PHACTR2: variants seen among roughly 807,000 people sequenced by gnomAD.
PHACTR2 encodes the protein chromosome 6 open reading frame 56.
In PHACTR2, 30 loss-of-function variants were observed where a neutral mutation model predicts 76.0. The ratio of observed to expected loss-of-function variants is 0.39; its 90% confidence interval spans 0.30 to 0.54. The LOEUF (loss-of-function observed/expected upper bound fraction) is 0.54. PHACTR2 is among the 20% of genes least tolerant of loss of function. PHACTR2 has a pLI of 0.61. For synonymous variants in PHACTR2, 292 were observed against 292.5 expected, an observed-to-expected ratio of 1.00 and a Z score of 0.02; for missense variants, 696 against 781.1, an observed-to-expected ratio of 0.89 and a Z score of 1.30.
At chr6:143,542,070 C>T (rs1781176229) in intron 1 of PHACTR2, among the ~76,000 whole-genome samples, 1 of 152,142 alleles carries the variant, frequency 6.6e-6, no homozygotes, top group Non-Finnish European at 1.5e-5. Flanking sequence ...TACTTTCTGT[C>T]TCTCCCTGGT....
rs1163215328 is a variant in PHACTR2, at chr6:143,818,507, A to T, written c.1923-5167A>T. 6.6e-6 allele frequency among the ~76,000 whole-genome samples: 1 copy of T among 152,162 alleles called. No individual in the cohort carries two copies. The highest frequency in any genetic ancestry group is 1.5e-5 in the Non-Finnish European group (1 of 68,034). ...AAGCTCTGGTAAGTATTATATTAGG[A>T]TTGTTATTATTATCTGTGTATTAGT... is the stretch of plus-strand genomic sequence containing the variant. On this transcript the variant is annotated intron_variant, in intron 12 of 12. Coordinates refer to ENST00000440869, the MANE Select transcript of PHACTR2 (RefSeq NM_001100164.2). This position sits in a 1 kb window ranked among gnomAD's most constrained non-coding sequence, Gnocchi z 4.9.
intron 1 of PHACTR2, among the ~76,000 whole-genome samples, chr6:143,565,540 G>A (rs535130344): frequency 1.3e-5 from 2 of 151,688 alleles, no homozygotes; most frequent in East Asian, 3.9e-4. Flanking sequence ...GGGAGGCGGA[G>A]CTTGCAGTGA....
At position 143,567,909 on chromosome 6, in the gene PHACTR2, G is replaced by A. The variant is rs116236833; in HGVS notation, c.217+30702G>A. ...AACAGAAGCAATTGAAGCATTGAGC[G>A]TCAAACTTTACCTCTAGAAACGTTC... is the stretch of plus-strand genomic sequence containing the variant. On this transcript the variant is annotated intron_variant, in intron 1 of 11. Transcript: ENST00000367584. Among the ~76,000 whole-genome samples, 972 of 152,288 alleles carry A rather than the reference G, an allele frequency of 6.4e-3. 13 individuals carry two copies. The highest frequency in any genetic ancestry group is 0.022 in the African/African-American group (907 of 41,566).
At position 143,583,121 on chromosome 6, in the gene PHACTR2, A is replaced by G. The variant is rs1775593097; in HGVS notation, c.217+45914A>G. On this transcript the variant is annotated intron_variant, in intron 1 of 11. Coordinates refer to the PHACTR2 transcript ENST00000367584. The surrounding 1 kb of genome is among the most constrained non-coding windows in gnomAD (Gnocchi z 4.0). ...TAAATTTCTATTCTTGTCTTTGAAT[A>G]TAATGATGGGGCGACCATTCTTGCC... 6.6e-6 allele frequency among the ~76,000 whole-genome samples: 1 copy of G among 152,260 alleles called. No homozygotes were observed. Among genetic ancestry groups the G allele is most frequent in the African/African-American group, 2.4e-5 (1 of 41,464 alleles).
chr6:143,668,208 C>T (rs1407101048), intron 1 of PHACTR2, among the ~76,000 whole-genome samples: 1 of 152,198 alleles, frequency 6.6e-6, no homozygotes, highest in East Asian at 1.9e-4. Context: ...ACCAGCCTTG[C>T]ATCCCACGGA....
At chr6:143,564,599 C>G (rs925626929) in intron 1 of PHACTR2, among the ~76,000 whole-genome samples, 1 of 152,032 alleles carries the variant, frequency 6.6e-6, no homozygotes, top group African/African-American at 2.4e-5. Context: ...AGAGGTGAAT[C>G]GTGTGGGATA....
chr6:143,813,821 C>G (rs1301740004), intron 12 of PHACTR2, among the ~76,000 whole-genome samples: 1 of 152,026 alleles, frequency 6.6e-6, no homozygotes, highest in African/African-American at 2.4e-5. Flanking sequence ...CATGTTGAGA[C>G]TGAGATATTC....
In PHACTR2 at chr6:143,684,743, C is replaced by A. The variant is rs1350727127; in HGVS notation, c.46+6534C>A. 2.0e-5 allele frequency among the ~76,000 whole-genome samples: 3 copies of A among 152,226 alleles called. No individual in the cohort carries two copies. The highest frequency in any genetic ancestry group is 7.2e-5 in the African/African-American group (3 of 41,452). ...GAGGCAGCTAGCTCCACAGCACAGA[C>A]TTAACAAGTGGAACTTTAGCATGTA... On this transcript the variant is annotated intron_variant, in intron 1 of 12. Transcript: ENST00000440869. This position sits in a 1 kb window ranked among gnomAD's most constrained non-coding sequence, Gnocchi z 4.3.
rs62427400 is a variant in PHACTR2, at chr6:143,713,589, G to A, written c.214+1406G>A. Among the ~76,000 whole-genome samples, 1,139 of 152,306 alleles carry A rather than the reference G, an allele frequency of 7.5e-3. 7 individuals are homozygous for A. Among genetic ancestry groups the A allele is most frequent in the Admixed American group, 0.011 (162 of 15,300 alleles). ...TGAGGGACAGGGTGCTGTGCTGTGT[G>A]AGGACACCCGGCTGGGTGACTTTGA... On this transcript the variant is annotated intron_variant, in intron 2 of 12. Coordinates refer to ENST00000440869, the MANE Select transcript of PHACTR2 (RefSeq NM_001100164.2).
rs1431216018 is a variant in PHACTR2, at chr6:143,537,360, C to T, written c.217+153C>T. On this transcript the variant is annotated intron_variant, in intron 1 of 11. Coordinates refer to the PHACTR2 transcript ENST00000367584. The surrounding 1 kb of genome is among the most constrained non-coding windows in gnomAD (Gnocchi z 4.4). ...GACAGGGGAGGGCGGAGGCTGAACT[C>T]CCCACACTGCCGCCTCCTCGGCCGC... is the stretch of plus-strand genomic sequence containing the variant. Among the ~76,000 whole-genome samples the T allele has an allele frequency of 6.6e-6, 1 of 151,700 alleles. No individual in the cohort carries two copies.
rs759272497 is a variant in PHACTR2, at chr6:143,654,677, G to T, written c.13+46355G>T. 6.6e-6 allele frequency among the ~76,000 whole-genome samples: 1 copy of T among 152,002 alleles called. No individual in the cohort carries two copies. The highest frequency in any genetic ancestry group is 2.4e-5 in the African/African-American group (1 of 41,368). On this transcript the variant is annotated intron_variant, in intron 1 of 11. Transcript: ENST00000305766. The surrounding 1 kb of genome is among the most constrained non-coding windows in gnomAD (Gnocchi z 4.6). ...AAATTAGCCAAGCATGGTGGTGCAC[G>T]CCTGTAGTCCTAGTGACTTGGGAGG...
Position 143,765,816 on chromosome 6 carries a change from C to T in PHACTR2, c.1232+18C>T, listed in dbSNP as rs534272819. 9.5e-6 allele frequency: 15 copies of T among 1,583,776 alleles called. No individual in the cohort carries two copies. The highest frequency in any genetic ancestry group is 8.1e-5 in the African/African-American group (6 of 74,146). The stretch of plus-strand genomic sequence containing the variant: ...GCAAAATGGTGAGTTGGGGAACAAA[C>T]CCCCTATTTTATCTGAGAACTAAAG... On this transcript the variant is annotated intron_variant, in intron 6 of 12. Transcript: ENST00000440869. This position sits in a 1 kb window ranked among gnomAD's most constrained non-coding sequence, Gnocchi z 4.1.
intron 1 of PHACTR2, among the ~76,000 whole-genome samples, chr6:143,600,956 A>C (rs1775809153): frequency 6.6e-6 from 1 of 152,246 alleles, no homozygotes; most frequent in Non-Finnish European, 1.5e-5. Context: ...ACACATGAAC[A>C]TGCTACAATA....
At chr6:143,737,301 TTTA>T (rs1173436680) in intron 2 of PHACTR2, among the ~76,000 whole-genome samples, 1 of 151,552 alleles carries the variant, frequency 6.6e-6, no homozygotes, top group Non-Finnish European at 1.5e-5. Context: ...TTAAATTTTA[TTTA>T]TTATTATTTT....
In PHACTR2 at chr6:143,578,658, G is replaced by A. The variant is rs118057760; in HGVS notation, c.217+41451G>A. Among the ~76,000 whole-genome samples, 855 of 152,188 alleles carry A rather than the reference G, an allele frequency of 5.6e-3. 6 individuals are homozygous for A. The highest frequency in any genetic ancestry group is 9.6e-3 in the Admixed American group (146 of 15,284). On this transcript the variant is annotated intron_variant, in intron 1 of 11. Transcript: ENST00000367584. This position sits in a 1 kb window ranked among gnomAD's most constrained non-coding sequence, Gnocchi z 4.5. The stretch of plus-strand genomic sequence containing the variant: ...ATGAGGAGAGGATGAGGAGGAGGAG[G>A]AGGAGGAAGGAGAAGAGGAGGACAT...
intron 2 of PHACTR2, among the ~76,000 whole-genome samples, chr6:143,724,397 G>C (rs9373400): frequency 4.6e-5 from 7 of 152,104 alleles, no homozygotes; most frequent in African/African-American, 1.2e-4. Flanking sequence ...CTCCCAAAGT[G>C]CTGGGATTAC....
At position 143,578,925 on chromosome 6, in the gene PHACTR2, A is replaced by G. The variant is rs1775544071; in HGVS notation, c.217+41718A>G. Reference sequence around the variant, plus strand: ...CAAAACTTTTTTTTTTGTTGTTGAGACAGGATCTTGTTCTGGCACCCAGGC... The same window carrying G: ...CAAAACTTTTTTTTTTGTTGTTGAGGCAGGATCTTGTTCTGGCACCCAGGC... On this transcript the variant is annotated intron_variant, in intron 1 of 11. Coordinates refer to the PHACTR2 transcript ENST00000367584. This position sits in a 1 kb window ranked among gnomAD's most constrained non-coding sequence, Gnocchi z 4.5. 6.6e-6 allele frequency among the ~76,000 whole-genome samples: 1 copy of G among 151,880 alleles called. No individual in the cohort carries two copies. Among genetic ancestry groups the G allele is most frequent in the Non-Finnish European group, 1.5e-5 (1 of 67,954 alleles).
chr6:143,810,434 C>G (rs1776151211), intron 12 of PHACTR2: 1 of 264,752 alleles, frequency 3.8e-6, no homozygotes, highest in East Asian at 1.2e-4. Flanking sequence ...TAAGAGCATG[C>G]CTAGTCTACT....
At position 143,738,332 on chromosome 6, in the gene PHACTR2, A is replaced by G. The variant is rs1420304766; in HGVS notation, c.215-10653A>G. On this transcript the variant is annotated intron_variant, in intron 2 of 12. Coordinates refer to ENST00000440869, the MANE Select transcript of PHACTR2 (RefSeq NM_001100164.2). This position sits in a 1 kb window ranked among gnomAD's most constrained non-coding sequence, Gnocchi z 4.0. ...GACACTGCACTCCAGCCTGGGCGAC[A>G]GAGGGAGACTCCATCTCAAAACAAA... Among the ~76,000 whole-genome samples the G allele has an allele frequency of 6.6e-6, 1 of 152,148 alleles. No individual in the cohort carries two copies. Among genetic ancestry groups the G allele is most frequent in the Non-Finnish European group, 1.5e-5 (1 of 68,028 alleles).
Sources: gnomAD v4.1 joint callset for allele counts (sites outside exome capture counted in the v4.1 genomes callset) on GRCh38, gnomAD v4.1.1 for gene constraint, Gnocchi (gnomAD v3.1) non-coding constraint, MANE v1.5 for transcripts, NCBI Gene and HGNC (gene_info 2026-07-23, HGNC 2026-07-21) for gene names.